NR3C2: variants seen among roughly 807,000 people sequenced by gnomAD.
The protein encoded by NR3C2 is nuclear receptor subfamily 3 group C member 2.
A neutral mutation model predicts 86.4 loss-of-function variants in NR3C2; 15 were observed. That is an observed-to-expected ratio of 0.17 (90% CI 0.12 to 0.27). The LOEUF is 0.27. Among genes scored for constraint, NR3C2 ranks in the 10% least tolerant of loss-of-function variants. NR3C2 has a pLI of 1.00. For missense variants in NR3C2, 960 were observed against 1,195.6 expected, an observed-to-expected ratio of 0.80 and a Z score of 2.91; for synonymous variants, 458 against 450.5, an observed-to-expected ratio of 1.02 and a Z score of -0.21.
intron 2 of NR3C2, among the ~76,000 whole-genome samples, chr4:148,351,546 A>G (rs1745276469): frequency 6.6e-6 from 1 of 152,174 alleles, no homozygotes. Flanking sequence ...GACCTTTGTC[A>G]GCAGTGGGAT....
At chr4:148,315,565 AGTT>A (rs1343055914) in intron 2 of NR3C2, among the ~76,000 whole-genome samples, 1 of 152,180 alleles carries the variant, frequency 6.6e-6, no homozygotes, top group Admixed American at 6.5e-5. Flanking sequence ...TCTGCAAATT[AGTT>A]TTTTTAGACT....
At chr4:148,112,449 T>C (rs1452999897) in intron 8 of NR3C2, among the ~76,000 whole-genome samples, 4 of 152,234 alleles carry the variant, frequency 2.6e-5, no homozygotes, top group African/African-American at 9.6e-5. Context: ...TGTTCTCATG[T>C]AGATGATCTG....
chr4:148,233,296 G>A (rs1316151209), intron 3 of NR3C2, among the ~76,000 whole-genome samples: 1 of 151,276 alleles, frequency 6.6e-6, no homozygotes, highest in Admixed American at 6.6e-5. Flanking sequence ...TTTGACAGAT[G>A]TGCAACTCTT....
intron 7 of NR3C2, among the ~76,000 whole-genome samples, chr4:148,119,700 C>T (rs947887623): frequency 1.3e-5 from 2 of 151,308 alleles, no homozygotes; most frequent in African/African-American, 4.9e-5. Flanking sequence ...GCAGGAGAAT[C>T]GCTTGAACCT....
At chr4:148,345,865 T>C (rs1477310940) in intron 2 of NR3C2, among the ~76,000 whole-genome samples, 1 of 152,046 alleles carries the variant, frequency 6.6e-6, no homozygotes, top group Non-Finnish European at 1.5e-5. Context: ...GTCCCTCCCT[T>C]CTCAGAGGTT....
chr4:148,346,151 A>G (rs1744979348), intron 2 of NR3C2, among the ~76,000 whole-genome samples: 1 of 152,132 alleles, frequency 6.6e-6, no homozygotes, highest in South Asian at 2.1e-4. Context: ...GATGGATACA[A>G]TAAGGCATGT....
At chr4:148,279,493 T>C (rs1741131729) in intron 2 of NR3C2, among the ~76,000 whole-genome samples, 1 of 152,196 alleles carries the variant, frequency 6.6e-6, no homozygotes, top group African/African-American at 2.4e-5. Context: ...TAAAAATTCA[T>C]GACTAACAAT....
At chr4:148,153,493 C>G (rs1734201503) in intron 5 of NR3C2, among the ~76,000 whole-genome samples, 1 of 152,084 alleles carries the variant, frequency 6.6e-6, no homozygotes, top group Non-Finnish European at 1.5e-5. Context: ...TGTTTTTTAT[C>G]ACCTCCCCCA....
intron 7 of NR3C2, among the ~76,000 whole-genome samples, chr4:148,118,163 T>TAATC (rs1732353973): frequency 6.6e-6 from 1 of 152,212 alleles, no homozygotes; most frequent in African/African-American, 2.4e-5. Context: ...TTGCCAAAGC[T>TAATC]AATCCTGTCC....
intron 8 of NR3C2, among the ~76,000 whole-genome samples, chr4:148,095,721 C>T (rs1444226692): frequency 6.6e-6 from 1 of 152,202 alleles, no homozygotes; most frequent in Non-Finnish European, 1.5e-5. Flanking sequence ...GGGCTGGTTC[C>T]AGAGTCTAGA....
chr4:148,305,454 G>C (rs998480789), intron 2 of NR3C2, among the ~76,000 whole-genome samples: 2 of 150,236 alleles, frequency 1.3e-5, no homozygotes, highest in East Asian at 4.0e-4. Context: ...TTCCAGGTCT[G>C]TATACAGATG....
intron 2 of NR3C2, among the ~76,000 whole-genome samples, chr4:148,304,001 C>CTT (rs763807907): frequency 2.6e-5 from 4 of 152,172 alleles, no homozygotes; most frequent in Non-Finnish European, 4.4e-5. Context: ...GAATGTCTCA[C>CTT]TTTCTCTCTC....
chr4:148,222,018 A>G (rs1195018198), intron 3 of NR3C2, among the ~76,000 whole-genome samples: 1 of 152,082 alleles, frequency 6.6e-6, no homozygotes, highest in Non-Finnish European at 1.5e-5. Flanking sequence ...ATAGTAAAAT[A>G]GTTAATATAA....
In NR3C2 at chr4:148,182,787, T is replaced by C. The variant is rs1332637322; in HGVS notation, c.2014+11959A>G. Among the ~76,000 whole-genome samples the C allele has an allele frequency of 2.0e-5, 3 of 152,358 alleles. No individual in the cohort carries two copies. The East Asian group carries it at 5.8e-4, about 29-fold the overall frequency. ...ACAGAGATCTAGGTTCTGGCTCTGC[T>C]ACTTCCTGGCTTGGTGGCCTTGGGC... On this transcript the variant is annotated intron_variant, in intron 4 of 8. Transcript: ENST00000358102.
chr4:148,308,289 G>A lies in NR3C2; in HGVS notation c.1758-48172C>T, dbSNP rs72950200. ...TCCGTATTAAGATCTGTGCCATTAC[G>A]TATTATGGAGGAAAATTTCTAAAGA... On this transcript the variant is annotated intron_variant, in intron 2 of 8. Transcript: ENST00000358102. Among the ~76,000 whole-genome samples the A allele has an allele frequency of 6.3e-3, 962 of 152,156 alleles. 7 individuals are homozygous for A. The highest frequency in any genetic ancestry group is 0.022 in the African/African-American group (931 of 41,512).
chr4:148,317,834 C>A (rs1004816239), intron 2 of NR3C2, among the ~76,000 whole-genome samples: 2 of 150,918 alleles, frequency 1.3e-5, no homozygotes, highest in Non-Finnish European at 3.0e-5. Context: ...ATATAAATAA[C>A]CTTAAATTTT....
rs1732178761 is a variant in NR3C2, at chr4:148,114,334, T to C, written c.2642-73A>G. 2.6e-6 allele frequency: 4 copies of C among 1,523,300 alleles called. No individual in the cohort carries two copies. In the Admixed American group the frequency reaches 7.0e-5, roughly 27 times the overall value. The allele number at this position is 1,523,300 out of a possible 1,614,324, so 94.4% of individuals were successfully genotyped here. On this transcript the variant is annotated intron_variant, in intron 7 of 8. Transcript: ENST00000358102. ...TTTAGCATCTTGGCAGGTAAAGTCA[T>C]ATACTGATTTTGAGGTTAGATACTA... is the stretch of plus-strand genomic sequence containing the variant.
At chr4:148,258,358 G>A (rs1739928813) in intron 3 of NR3C2, among the ~76,000 whole-genome samples, 1 of 152,222 alleles carries the variant, frequency 6.6e-6, no homozygotes, top group African/African-American at 2.4e-5. Context: ...GAAGGAGGCA[G>A]GGGAAGCCTC....
intron 2 of NR3C2, among the ~76,000 whole-genome samples, chr4:148,379,685 T>C (rs542933741): frequency 2.8e-4 from 42 of 152,340 alleles, no homozygotes; most frequent in African/African-American, 9.9e-4. Context: ...ATAAGCACCT[T>C]CCATTTTCTA....
Sources: allele counts gnomAD v4.1 joint callset (sites outside exome capture counted in the v4.1 genomes callset), GRCh38; gene constraint gnomAD v4.1.1; transcripts MANE v1.5; gene names NCBI Gene and HGNC (gene_info 2026-07-23, HGNC 2026-07-21).